NTM: variants seen among roughly 807,000 people sequenced by gnomAD.
NTM encodes neurotrimin.
NTM carries 13 observed loss-of-function variants against 42.1 expected under a neutral mutation model. That is an observed-to-expected ratio of 0.31 (90% CI 0.20 to 0.49). The LOEUF (loss-of-function observed/expected upper bound fraction) is 0.49. NTM is among the 20% of genes least tolerant of loss of function. The probability of loss-of-function intolerance (pLI) is 0.99; values close to 1 mark genes in which losing one functional copy is unlikely to be tolerated. For synonymous variants in NTM, 187 were observed against 179.2 expected, an observed-to-expected ratio of 1.04 and a Z score of -0.35; for missense variants, 373 against 452.8, an observed-to-expected ratio of 0.82 and a Z score of 1.60.
chr11:132,177,964 A>G (rs2077050715), intron 3 of NTM, among the ~76,000 whole-genome samples: 1 of 152,228 alleles, frequency 6.6e-6, no homozygotes, highest in Admixed American at 6.5e-5. Context: ...TTCCAACGCA[A>G]TTTTATTTCT....
At chr11:131,437,396 C>T (rs1352392536) in intron 1 of NTM, among the ~76,000 whole-genome samples, 1 of 151,984 alleles carries the variant, frequency 6.6e-6, no homozygotes, top group Non-Finnish European at 1.5e-5. Context: ...TTAAAGTCTC[C>T]CATTATTGTT....
At chr11:131,636,433 C>G (rs2064395446) in intron 1 of NTM, among the ~76,000 whole-genome samples, 1 of 152,204 alleles carries the variant, frequency 6.6e-6, no homozygotes, top group Non-Finnish European at 1.5e-5. Flanking sequence ...TGAGCTCTCC[C>G]TATCCACAGG....
intron 1 of NTM, among the ~76,000 whole-genome samples, chr11:131,676,038 G>C (rs77864862): frequency 6.6e-6 from 1 of 152,150 alleles, no homozygotes; most frequent in Non-Finnish European, 1.5e-5. Flanking sequence ...TAGCTGGGTA[G>C]GTCCATGTCA....
chr11:132,069,918 G>A (rs564166200), intron 2 of NTM, among the ~76,000 whole-genome samples: 54 of 140,060 alleles, frequency 3.9e-4, no homozygotes, highest in African/African-American at 1.3e-3. Flanking sequence ...GCCAAAACAC[G>A]TCAAACTGAC....
chr11:131,671,552 C>A, intron 1 of NTM: 2 of 981,200 alleles, frequency 2.0e-6, no homozygotes, highest in Non-Finnish European at 2.4e-6. Flanking sequence ...CAGGGCCTAC[C>A]GGTGGCTACC....
At chr11:131,395,958 AAGTTC>A (rs1196046568) in intron 1 of NTM, among the ~76,000 whole-genome samples, 2 of 152,174 alleles carry the variant, frequency 1.3e-5, no homozygotes, top group African/African-American at 4.8e-5. Context: ...AACCTGTGAG[AAGTTC>A]TTGGCTTACC....
At chr11:131,591,114 T>C (rs1262493829) in intron 1 of NTM, among the ~76,000 whole-genome samples, 3 of 152,104 alleles carry the variant, frequency 2.0e-5, no homozygotes, top group African/African-American at 4.8e-5. Context: ...AGCTTCAACT[T>C]CTTAGGGAAA....
In NTM at chr11:132,335,457, G is replaced by A; in HGVS notation, c.*311G>A. The stretch of plus-strand genomic sequence containing the variant: ...GCATCGTGCAACCTCTTTGGTGCCA[G>A]TGTGGGCAAGGGCTCAGCCTCTCTG... On this transcript the variant is annotated 3_prime_UTR_variant, in exon 9 of 9. Coordinates refer to ENST00000683400, the MANE Select transcript of NTM (RefSeq NM_001352005.2). 6.2e-6 allele frequency: 2 copies of A among 320,964 alleles called. No individual in the cohort carries two copies. Among genetic ancestry groups the A allele is most frequent in the South Asian group, 5.9e-5 (2 of 34,006 alleles). The allele number at this position is 320,964 out of a possible 1,614,324, so 19.9% of individuals were successfully genotyped here.
At chr11:131,562,342 A>G (rs1324852782) in intron 1 of NTM, among the ~76,000 whole-genome samples, 1 of 152,232 alleles carries the variant, frequency 6.6e-6, no homozygotes, top group Non-Finnish European at 1.5e-5. Flanking sequence ...GGAAGAATTG[A>G]AGAATCAAAT....
intron 4 of NTM, among the ~76,000 whole-genome samples, chr11:132,245,349 G>A (rs755697386): frequency 2.0e-5 from 3 of 152,146 alleles, no homozygotes; most frequent in African/African-American, 4.8e-5. Flanking sequence ...AAGGGCACAG[G>A]AAGTTCAAGT....
intron 1 of NTM, among the ~76,000 whole-genome samples, chr11:131,589,723 C>A (rs1467767759): frequency 6.6e-6 from 1 of 152,176 alleles, no homozygotes; most frequent in Non-Finnish European, 1.5e-5. Context: ...CACATACACA[C>A]ATGCGCACAC....
At chr11:131,756,544 T>C (rs1045813283) in intron 1 of NTM, among the ~76,000 whole-genome samples, 4 of 149,134 alleles carry the variant, frequency 2.7e-5, no homozygotes, top group African/African-American at 9.8e-5. Context: ...AAAAATTAGC[T>C]GAGTCTGGTG....
chr11:131,386,286 A>G (rs1284980758), intron 1 of NTM, among the ~76,000 whole-genome samples: 2 of 152,206 alleles, frequency 1.3e-5, no homozygotes, highest in African/African-American at 4.8e-5. Flanking sequence ...TGGAGAGGCT[A>G]TCAGGGGCTT....
At chr11:131,579,702 C>A (rs1471351780) in intron 1 of NTM, among the ~76,000 whole-genome samples, 1 of 152,204 alleles carries the variant, frequency 6.6e-6, no homozygotes, top group Non-Finnish European at 1.5e-5. Context: ...AGGAAGAGAA[C>A]TTTTACATCC....
At chr11:131,554,296 G>C (rs906485914) in intron 1 of NTM, among the ~76,000 whole-genome samples, 1 of 152,166 alleles carries the variant, frequency 6.6e-6, no homozygotes, top group Non-Finnish European at 1.5e-5. Flanking sequence ...GCTGAATGAA[G>C]ACTAAATGAT....
chr11:132,261,515 GTCT>G (rs1441040531), intron 4 of NTM, among the ~76,000 whole-genome samples: 4 of 152,152 alleles, frequency 2.6e-5, no homozygotes, highest in South Asian at 2.1e-4. Context: ...AAAGATCCTG[GTCT>G]TCTTCTTTGT....
At chr11:132,281,402 C>T (rs2093966275) in intron 4 of NTM, among the ~76,000 whole-genome samples, 1 of 152,182 alleles carries the variant, frequency 6.6e-6, no homozygotes, top group African/African-American at 2.4e-5. Context: ...GCTCAGTGTG[C>T]CTCCGAAAGA....
At chr11:131,576,714 C>A (rs2057968868) in intron 1 of NTM, among the ~76,000 whole-genome samples, 1 of 152,196 alleles carries the variant, frequency 6.6e-6, no homozygotes, top group Non-Finnish European at 1.5e-5. Context: ...CAAAGGGCAT[C>A]TGCCTGCATC....
chr11:131,700,981 TAA>T (rs2076015945), intron 1 of NTM, among the ~76,000 whole-genome samples: 1 of 152,218 alleles, frequency 6.6e-6, no homozygotes, highest in Non-Finnish European at 1.5e-5. Flanking sequence ...AGAAGTTTCT[TAA>T]AGTTTCTGAA....
Sources: allele counts gnomAD v4.1 joint callset (sites outside exome capture counted in the v4.1 genomes callset), GRCh38; gene constraint gnomAD v4.1.1; transcripts MANE v1.5; gene names NCBI Gene and HGNC (gene_info 2026-07-23, HGNC 2026-07-21).